The following FNTB variants were observed in gnomAD, a reference collection of about 807,000 sequenced individuals.
FNTB encodes farnesyltransferase, CAAX box, subunit beta.
In FNTB, 27 loss-of-function variants were observed where a neutral mutation model predicts 59.4. That is an observed-to-expected ratio of 0.45 (90% CI 0.34 to 0.63). The LOEUF is 0.63. Ranked by LOEUF, FNTB falls within the 20% of genes least tolerant of loss-of-function variation. The probability of loss-of-function intolerance (pLI) is 0.02; values close to 1 mark genes in which losing one functional copy is unlikely to be tolerated. For synonymous variants in FNTB, 230 were observed against 220.7 expected (o/e 1.04, Z -0.37); for missense variants, 449 against 559.6 (o/e 0.80, Z 1.99).
intron 11 of FNTB, among the ~76,000 whole-genome samples, chr14:65,060,510 A>C (rs1379507771): frequency 3.9e-5 from 5 of 127,060 alleles, no homozygotes; most frequent in Non-Finnish European, 7.6e-5. Flanking sequence ...TCCCGGCTAA[A>C]ACGGTGAAAC....
intron 1 of FNTB, among the ~76,000 whole-genome samples, chr14:64,996,766 C>A (rs909099206): frequency 7.2e-4 from 68 of 94,434 alleles, no homozygotes; most frequent in Non-Finnish European, 1.1e-3. Flanking sequence ...TTGCTAACAT[C>A]TTTTTTTTTT....
rs1327022029 is a variant in FNTB at position 65,001,069 on chromosome 14, A to G, written c.145-3180A>G. On this transcript the variant is annotated intron_variant, in intron 1 of 11. Coordinates refer to ENST00000246166, the MANE Select transcript of FNTB (RefSeq NM_002028.4). This position sits in a 1 kb window ranked among gnomAD's most constrained non-coding sequence, Gnocchi z 5.5. The stretch of plus-strand genomic sequence containing the variant: ...GTTGGGAGCATAAATGAAGTCCTAT[A>G]CTTGGTCTCTCTGGGCCTGATAAAT... 6.6e-6 allele frequency among the ~76,000 whole-genome samples: 1 copy of G among 152,088 alleles called. No individual in the cohort carries two copies. The highest frequency in any genetic ancestry group is 1.5e-5 in the Non-Finnish European group (1 of 68,004).
chr14:64,996,766 CTTTTT>C (rs34327825), intron 1 of FNTB, among the ~76,000 whole-genome samples: 2 of 94,458 alleles, frequency 2.1e-5, no homozygotes, highest in East Asian at 3.6e-4. Context: ...TTGCTAACAT[CTTTTT>C]TTTTTTTTTT....
At chr14:65,039,871 A>C (rs1051528731) in intron 7 of FNTB, among the ~76,000 whole-genome samples, 22 of 152,308 alleles carry the variant, frequency 1.4e-4, no homozygotes, top group Admixed American at 7.2e-4. Context: ...AAAAGGAAAA[A>C]TATTACTAGT....
chr14:64,987,807 GTGTT>G (rs1888010258), intron 1 of FNTB, among the ~76,000 whole-genome samples: 1 of 152,212 alleles, frequency 6.6e-6, no homozygotes, highest in Admixed American at 6.5e-5. Flanking sequence ...ATTTTGAAAA[GTGTT>G]TGGCGAATGA....
In FNTB at chr14:65,023,194, G is replaced by A. The variant is rs1328341012; in HGVS notation, c.375-4259G>A. ...CCACCTCAGCCTCCTGAGTAGCTGG[G>A]GCTAGAGGTGGGTGCCAACGTGCCT... On this transcript the variant is annotated intron_variant, in intron 4 of 11. Transcript: ENST00000246166. The surrounding 1 kb of genome is among the most constrained non-coding windows in gnomAD (Gnocchi z 4.1). Among the ~76,000 whole-genome samples, 7 of 152,070 alleles carry A rather than the reference G, an allele frequency of 4.6e-5. No individual in the cohort carries two copies. The highest frequency in any genetic ancestry group is 3.3e-4 in the Admixed American group (5 of 15,270).
intron 9 of FNTB, among the ~76,000 whole-genome samples, chr14:65,051,099 T>G (rs533413146): frequency 6.6e-6 from 1 of 152,336 alleles, no homozygotes; most frequent in South Asian, 2.1e-4. Context: ...GATGGGAGAT[T>G]GGATGCTTCT....
Position 64,997,033 on chromosome 14 carries a change from AAAAAT to A in FNTB, c.145-7214_145-7210del, listed in dbSNP as rs1888424051. ...CCTTTTTTCATTTCACAGTAAAAAA[AAAAAT>A]AGAAACAGAGTCTTGCTTGATCAGT... is the stretch of plus-strand genomic sequence containing the variant. On this transcript the variant is annotated intron_variant, in intron 1 of 11. Coordinates refer to ENST00000246166, the MANE Select transcript of FNTB (RefSeq NM_002028.4). The surrounding 1 kb of genome is among the most constrained non-coding windows in gnomAD (Gnocchi z 4.5). 6.6e-6 allele frequency among the ~76,000 whole-genome samples: 1 copy of A among 152,182 alleles called. No individual in the cohort carries two copies. The highest frequency in any genetic ancestry group is 2.4e-5 in the African/African-American group (1 of 41,436).
At chr14:65,021,056 T>C (rs956794279) in intron 4 of FNTB, among the ~76,000 whole-genome samples, 1 of 152,190 alleles carries the variant, frequency 6.6e-6, no homozygotes, top group African/African-American at 2.4e-5. Context: ...AGAGGTTATA[T>C]GCACACATTT....
At chr14:65,000,031 A>G (rs1012426902) in intron 1 of FNTB, among the ~76,000 whole-genome samples, 1 of 152,204 alleles carries the variant, frequency 6.6e-6, no homozygotes, top group African/African-American at 2.4e-5. Context: ...AAAGCTGAAG[A>G]TGGGACTTCT....
Position 64,997,316 on chromosome 14 carries a change from G to A in FNTB, c.145-6933G>A, listed in dbSNP as rs1250643755. 6.6e-6 allele frequency among the ~76,000 whole-genome samples: 1 copy of A among 152,062 alleles called. No individual in the cohort carries two copies. Among genetic ancestry groups the A allele is most frequent in the African/African-American group, 2.4e-5 (1 of 41,398 alleles). ...TGACTGGCTGACTCCACACAGACAG[G>A]TCCTGTGGCCCCACCCACAGGCTGA... On this transcript the variant is annotated intron_variant, in intron 1 of 11. Transcript: ENST00000246166. This position sits in a 1 kb window ranked among gnomAD's most constrained non-coding sequence, Gnocchi z 4.5.
chr14:65,053,150 A>ACTATT (rs2062651107), intron 9 of FNTB, 88 bp from the exon 10 acceptor site: 4 of 1,052,138 alleles, frequency 3.8e-6, no homozygotes, highest in Admixed American at 8.4e-5. Context: ...GGAAACCTTG[A>ACTATT]CTATTCCCCC....
rs1482975333 is a variant in FNTB at position 65,054,488 on chromosome 14, C to T, written c.1068-87C>T. On this transcript the variant is annotated intron_variant, in intron 10 of 11. Coordinates refer to ENST00000246166, the MANE Select transcript of FNTB (RefSeq NM_002028.4). The surrounding 1 kb of genome is among the most constrained non-coding windows in gnomAD (Gnocchi z 4.4). The stretch of plus-strand genomic sequence containing the variant: ...GAGGATGGGGGGGGACGTGTGATTG[C>T]ACCAGTGGTCTCTGAATTGGTGTGG... 1.5e-6 allele frequency: 2 copies of T among 1,339,424 alleles called. No homozygotes were observed. The highest frequency in any genetic ancestry group is 2.5e-5 in the East Asian group (1 of 39,690). The allele number at this position is 1,339,424 out of a possible 1,614,324, so 83.0% of individuals were successfully genotyped here.
At chr14:65,045,990 G>T (rs112087262) in intron 9 of FNTB, among the ~76,000 whole-genome samples, 1 of 152,128 alleles carries the variant, frequency 6.6e-6, no homozygotes, top group African/African-American at 2.4e-5. Flanking sequence ...TTTTATTTTA[G>T]TATTATTTTT....
At chr14:64,988,272 T>A (rs1888032559) in intron 1 of FNTB, among the ~76,000 whole-genome samples, 1 of 152,140 alleles carries the variant, frequency 6.6e-6, no homozygotes, top group Non-Finnish European at 1.5e-5. Flanking sequence ...ATTCTCCAGG[T>A]TGGTTTGCCT....
chr14:64,987,897 T>C (rs555520196), intron 1 of FNTB, among the ~76,000 whole-genome samples: 1 of 152,340 alleles, frequency 6.6e-6, no homozygotes, highest in South Asian at 2.1e-4. Flanking sequence ...CCAAGGTTGC[T>C]ATGTGGAACT....
At position 65,061,492 on chromosome 14, in the gene FNTB, G is replaced by A; in HGVS notation, c.*180G>A. On this transcript the variant is annotated 3_prime_UTR_variant, in exon 12 of 12. Coordinates refer to ENST00000246166, the MANE Select transcript of FNTB (RefSeq NM_002028.4). ...TCTGGGTTTGGAGAACACAGTGGCT[G>A]GTTTTAAAAATTCTTTCCACACCTG... 3 of 1,159,338 alleles carry A rather than the reference G, an allele frequency of 2.6e-6. No homozygotes were observed. Among genetic ancestry groups the A allele is most frequent in the Non-Finnish European group, 3.5e-6 (3 of 860,166 alleles). 71.8% of individuals were successfully genotyped at this position (1,159,338 alleles called of 1,614,324 possible). A position where few individuals can be genotyped will look rare whatever the true frequency, so the allele number is the denominator to read the frequency against.
chr14:65,014,044 G>A lies in FNTB; in HGVS notation c.283-1581G>A, dbSNP rs906403825. ...CTCACCAGCCTACCTTCCAGGTGGT[G>A]GGTTAGCCACAGCTTGGGATATCAG... is the stretch of plus-strand genomic sequence containing the variant. On this transcript the variant is annotated intron_variant, in intron 3 of 11. Coordinates refer to ENST00000246166, the MANE Select transcript of FNTB (RefSeq NM_002028.4). The surrounding 1 kb of genome is among the most constrained non-coding windows in gnomAD (Gnocchi z 5.1). Among the ~76,000 whole-genome samples the A allele has an allele frequency of 4.6e-5, 7 of 152,160 alleles. No individual in the cohort carries two copies. The highest frequency in any genetic ancestry group is 1.0e-4 in the Non-Finnish European group (7 of 68,024).
rs1025567342 is a variant in FNTB at position 65,058,720 on chromosome 14, TTTC to T, written c.1183-2455_1183-2453del. Among the ~76,000 whole-genome samples, 173 of 152,338 alleles carry T rather than the reference TTTC, an allele frequency of 1.1e-3. 2 individuals are homozygous for T. Among genetic ancestry groups the T allele is most frequent in the African/African-American group, 3.8e-3 (156 of 41,574 alleles). ...TTGAATGCTTTCTCCGCATCTGATTTTTCTTCTTTAATATGATATGTTTCATTA... is the reference window on the plus strand; with the variant it reads ...TTGAATGCTTTCTCCGCATCTGATTTTTCTTTAATATGATATGTTTCATTA... On this transcript the variant is annotated intron_variant, in intron 11 of 11. Coordinates refer to ENST00000246166, the MANE Select transcript of FNTB (RefSeq NM_002028.4).
Sources: gnomAD v4.1 joint callset for allele counts (sites outside exome capture counted in the v4.1 genomes callset) on GRCh38, gnomAD v4.1.1 for gene constraint, Gnocchi (gnomAD v3.1) non-coding constraint, MANE v1.5 for transcripts, NCBI Gene and HGNC (gene_info 2026-07-23, HGNC 2026-07-21) for gene names.